B4GALT6: variants seen among roughly 807,000 people sequenced by gnomAD.
B4GALT6 encodes UDP-Gal:beta-GlcNAc beta-1,4-galactosyltransferase 6.
A neutral mutation model predicts 46.3 loss-of-function variants in B4GALT6; 14 were observed. The ratio of observed to expected loss-of-function variants is 0.30; its 90% confidence interval spans 0.20 to 0.47. The LOEUF (loss-of-function observed/expected upper bound fraction) is 0.47, where lower values mean the gene tolerates loss of function less well. B4GALT6 is among the 20% of genes least tolerant of loss of function. B4GALT6 has a pLI of 0.99. For synonymous variants in B4GALT6, 168 were observed against 162.0 expected (o/e 1.04, Z -0.28); for missense variants, 386 against 480.1 (o/e 0.80, Z 1.83).
chr18:31,687,873 T>C (rs944062758), upstream of B4GALT6, among the ~76,000 whole-genome samples: 2 of 152,212 alleles, frequency 1.3e-5, no homozygotes, highest in Admixed American at 1.3e-4. Context: ...AGATGGATGA[T>C]ATTTTACTTA....
At chr18:31,630,928 T>C (rs1407613796) in intron 6 of B4GALT6, 31 bp downstream of exon 6, 4 of 1,607,194 alleles carry the variant, frequency 2.5e-6, no homozygotes, top group Middle Eastern at 1.6e-4. Flanking sequence ...AATTATATCG[T>C]ACAATATCAG....
chr18:31,676,025 C>A (rs1004138471), intron 1 of B4GALT6, among the ~76,000 whole-genome samples: 13 of 152,126 alleles, frequency 8.5e-5, no homozygotes, highest in Admixed American at 7.9e-4. Flanking sequence ...ATTTCAAAGA[C>A]TTCCAAAGCA....
At chr18:31,630,835 T>C in intron 6 of B4GALT6, 124 bp downstream of exon 6, 3 of 1,052,922 alleles carry the variant, frequency 2.8e-6, no homozygotes, top group Non-Finnish European at 4.2e-6. Context: ...CACGATGGAG[T>C]TAAAGATGAT....
intron 2 of B4GALT6, among the ~76,000 whole-genome samples, chr18:31,663,208 T>G (rs2074240735): frequency 6.6e-6 from 1 of 152,204 alleles, no homozygotes; most frequent in South Asian, 2.1e-4. Context: ...AATGGCTTTA[T>G]TTTGCTGCGA....
intron 5 of B4GALT6, among the ~76,000 whole-genome samples, chr18:31,633,534 T>C (rs1276788043): frequency 1.3e-5 from 2 of 152,232 alleles, no homozygotes; most frequent in Non-Finnish European, 1.5e-5. Context: ...TCCAGTGTCA[T>C]CTGAAGGTTT....
At chr18:31,675,011 A>G (rs2074400110) in intron 1 of B4GALT6, among the ~76,000 whole-genome samples, 1 of 152,244 alleles carries the variant, frequency 6.6e-6, no homozygotes, top group South Asian at 2.1e-4. Context: ...AGAGTCTGCA[A>G]GAATTCTGTG....
chr18:31,704,151 G>A, the B4GALT6 span, among the ~76,000 whole-genome samples: 1 of 151,320 alleles, frequency 6.6e-6, no homozygotes, highest in Admixed American at 6.6e-5. Flanking sequence ...ATCTGAAGAG[G>A]ACTTCAGGAT....
chr18:31,699,398 A>G, the B4GALT6 span, among the ~76,000 whole-genome samples: 1 of 150,976 alleles, frequency 6.6e-6, no homozygotes, highest in Non-Finnish European at 1.5e-5. Flanking sequence ...TCAGCCTCCC[A>G]AGTAGCTGGG....
chr18:31,724,288 C>A, the B4GALT6 span: 4 of 434,934 alleles, frequency 9.2e-6, no homozygotes, highest in Non-Finnish European at 1.5e-5. Flanking sequence ...CTCTGGGCCC[C>A]ACGGGCCCCT....
chr18:31,692,450 A>G, the B4GALT6 span, among the ~76,000 whole-genome samples: 3 of 152,196 alleles, frequency 2.0e-5, no homozygotes, highest in Non-Finnish European at 2.9e-5. Context: ...GCACCTTTCT[A>G]AGAGCTAATG....
intron 1 of B4GALT6, among the ~76,000 whole-genome samples, chr18:31,666,595 A>G (rs1449453599): frequency 1.3e-5 from 2 of 152,186 alleles, no homozygotes; most frequent in African/African-American, 4.8e-5. Context: ...ATACCCACCT[A>G]TCAAATAGAA....
At chr18:31,643,021 A>G (rs774301818) in intron 4 of B4GALT6, among the ~76,000 whole-genome samples, 3 of 152,266 alleles carry the variant, frequency 2.0e-5, no homozygotes, top group Admixed American at 2.0e-4. Context: ...CAGATGTTTA[A>G]CATAAATCTA....
chr18:31,672,086 T>C (rs78584426), intron 1 of B4GALT6, among the ~76,000 whole-genome samples: 149 of 152,332 alleles, frequency 9.8e-4, no homozygotes, highest in African/African-American at 3.6e-3. Context: ...CTTTGCTCAC[T>C]AACAGTGCTG....
At chr18:31,674,457 A>G (rs954813400) in intron 1 of B4GALT6, among the ~76,000 whole-genome samples, 1 of 152,226 alleles carries the variant, frequency 6.6e-6, no homozygotes, top group African/African-American at 2.4e-5. Context: ...AAAGTTACAG[A>G]AGAGAAAATG....
At chr18:31,682,151 A>T (rs532891597) in intron 1 of B4GALT6, among the ~76,000 whole-genome samples, 1 of 152,172 alleles carries the variant, frequency 6.6e-6, no homozygotes, top group African/African-American at 2.4e-5. Flanking sequence ...TCTGACCTAC[A>T]TTTTCTCGAA....
At chr18:31,688,260 C>CATATATATATATATACGT (rs549734087), upstream of B4GALT6, among the ~76,000 whole-genome samples, 1 of 140,786 alleles carries the variant, frequency 7.1e-6, no homozygotes, top group African/African-American at 3.0e-5. Flanking sequence ...TATATATATA[C>CATATATATATATATACGT]ATATATATAT....
intron 2 of B4GALT6, among the ~76,000 whole-genome samples, chr18:31,662,412 T>G (rs548531713): frequency 1.6e-4 from 24 of 152,318 alleles, no homozygotes; most frequent in African/African-American, 5.3e-4. Flanking sequence ...CTCTTTTAAT[T>G]GAAATCAAAT....
At chr18:31,666,402 A>AT in intron 1 of B4GALT6, 30 bp from the exon 2 acceptor site, 4 of 1,102,886 alleles carry the variant, frequency 3.6e-6, no homozygotes, top group Non-Finnish European at 5.3e-6. Context: ...AAAGAATGTC[A>AT]TAACACAGTA....
At chr18:31,723,753 T>A in the B4GALT6 span, among the ~76,000 whole-genome samples, 2 of 152,276 alleles carry the variant, frequency 1.3e-5, no homozygotes, top group Non-Finnish European at 2.9e-5. Context: ...ATGACCGTAA[T>A]GTGTGCTCTG....
Sources: allele counts gnomAD v4.1 joint callset (sites outside exome capture counted in the v4.1 genomes callset), GRCh38; gene constraint gnomAD v4.1.1; transcripts MANE v1.5; gene names NCBI Gene and HGNC (gene_info 2026-07-23, HGNC 2026-07-21).